The following CLU variants were observed in gnomAD, a reference collection of about 807,000 sequenced individuals.
CLU encodes aging-associated protein 4.
A neutral mutation model predicts 46.4 loss-of-function variants in CLU; 25 were observed. The observed-to-expected ratio is 0.54, with a 90% CI of 0.39 to 0.75. The LOEUF (loss-of-function observed/expected upper bound fraction) is 0.75, where lower values mean the gene tolerates loss of function less well. Ranked by LOEUF, CLU falls within the 30% of genes least tolerant of loss-of-function variation. The probability of loss-of-function intolerance (pLI) is 0.00; values close to 1 mark genes in which losing one functional copy is unlikely to be tolerated. For synonymous variants in CLU, 235 were observed against 235.1 expected (o/e 1.00, Z 0.00); for missense variants, 504 against 592.1 (o/e 0.85, Z 1.54).
chr8:27,598,698 A>G, intron 7 of CLU, 63 bp from the exon 8 acceptor site: 2 of 1,524,564 alleles, frequency 1.3e-6, no homozygotes, highest in Non-Finnish European at 1.8e-6. Context: ...TGCGCTCTGC[A>G]ACAGAAGTCA....
chr8:27,601,386 G>A (rs1800718736), intron 6 of CLU, among the ~76,000 whole-genome samples: 1 of 152,332 alleles, frequency 6.6e-6, no homozygotes. Flanking sequence ...AGAGGTGGCA[G>A]TTCTGGTGCC....
chr8:27,614,368 CA>C (rs1488235068), intron 1 of CLU: 1 of 218,596 alleles, frequency 4.6e-6, no homozygotes, highest in Non-Finnish European at 9.1e-6. Flanking sequence ...TCAGTTTCCC[CA>C]TCTTTGCGAA....
At chr8:27,611,291 G>T (rs543293961) in intron 1 of CLU, 66 of 454,856 alleles carry the variant, frequency 1.5e-4, no homozygotes, top group African/African-American at 1.2e-3. Context: ...ATTCCCTTCG[G>T]AGAGTAGAGA....
intron 1 of CLU, among the ~76,000 whole-genome samples, chr8:27,612,346 A>T (rs1487780736): frequency 6.6e-6 from 1 of 152,182 alleles, no homozygotes; most frequent in Non-Finnish European, 1.5e-5. Context: ...TTCATCTGTA[A>T]AATGGATCTA....
At chr8:27,608,737 C>A in intron 3 of CLU, 1 of 641,258 alleles carries the variant, frequency 1.6e-6, no homozygotes, top group Non-Finnish European at 2.8e-6. Context: ...ATAACAAAAC[C>A]AGATCCAAGA....
chr8:27,614,673 G>A lies in CLU; in HGVS notation c.-48C>T, dbSNP rs1800982563. The A allele has an allele frequency of 1.9e-6, 1 of 532,118 alleles. No individual in the cohort carries two copies. The highest frequency in any genetic ancestry group is 1.9e-5 in the African/African-American group (1 of 51,928). 33.0% of individuals were successfully genotyped at this position (532,118 alleles called of 1,614,324 possible). On this transcript the variant is annotated 5_prime_UTR_variant, in exon 1 of 9. Coordinates refer to ENST00000316403, the MANE Select transcript of CLU (RefSeq NM_001831.4). ...ATCTCACCGGTCAGCGGCACCCTGT[G>A]CCCGCGCGCTCCTCCTGGCGACGCC...
At position 27,598,573 on chromosome 8, in the gene CLU, G is replaced by A; in HGVS notation, c.1227C>T (p.Leu409=). Residue 409 remains leucine, a synonymous_variant, in exon 8 of 9, where the codon CTC becomes CTT. Coordinates refer to ENST00000316403, the MANE Select transcript of CLU (RefSeq NM_001831.4). The stretch of plus-strand genomic sequence containing the variant: ...TCACAGTGATGGGATCAGAGTCAAA[G>A]AGCTTCACGACCACCTCAGTGACAC... ...PSGVTEVVVK[L]FDSDPITVTV... is the part of the protein sequence containing the mutation. 5 of 1,614,192 alleles carry A rather than the reference G, an allele frequency of 3.1e-6. No individual in the cohort carries two copies. The highest frequency in any genetic ancestry group is 4.2e-6 in the Non-Finnish European group (5 of 1,180,038).
At chr8:27,606,102 G>A (rs891103608) in intron 4 of CLU, among the ~76,000 whole-genome samples, 7 of 151,998 alleles carry the variant, frequency 4.6e-5, no homozygotes, top group African/African-American at 7.3e-5. Flanking sequence ...GCCATCCCAC[G>A]AAGCAGTTTA....
intron 5 of CLU, 60 bp from the exon 6 acceptor site, chr8:27,604,455 G>A: frequency 1.6e-6 from 2 of 1,243,526 alleles, no homozygotes; most frequent in Non-Finnish European, 2.4e-6. Flanking sequence ...GGACTCCACT[G>A]ATTCCTATTG....
At chr8:27,610,242 T>C (rs1800897500) in intron 2 of CLU, among the ~76,000 whole-genome samples, 1 of 151,982 alleles carries the variant, frequency 6.6e-6, no homozygotes, top group South Asian at 2.1e-4. Flanking sequence ...CAGCCGAAAG[T>C]GCTTGGGAAA....
At chr8:27,600,057 T>C in intron 6 of CLU, 48 bp from the exon 7 acceptor site, 1 of 1,394,348 alleles carries the variant, frequency 7.2e-7, no homozygotes, top group Non-Finnish European at 1.0e-6. Context: ...AAGGGAAGGC[T>C]ACAAAGGGAT....
rs955492150 is a variant in CLU at position 27,605,254 on chromosome 8, G to A, written c.499C>T (p.Arg167Trp). ...DRIDSLLEND[R>W]QQTHMLDVMQ... ...ACATCCAGCATGTGCGTCTGCTGCC[G>A]GTCGTTCTCCAGCAGGGAGTCGATG... is the stretch of plus-strand genomic sequence containing the variant. The change falls in exon 5 of 9, where the codon CGG (arginine) becomes TGG (tryptophan). Residue 167 changes from arginine (R) to tryptophan (W), a missense_variant. By Grantham distance (101) the Arg-to-Trp change is moderately radical. This residue lies in a region of CLU where 428 missense variants were observed against 484.0 expected (regional missense o/e 0.88). Coordinates refer to ENST00000316403, the MANE Select transcript of CLU (RefSeq NM_001831.4). 15 of 1,614,036 alleles carry A rather than the reference G, an allele frequency of 9.3e-6. No individual in the cohort carries two copies. The highest frequency in any genetic ancestry group is 2.7e-5 in the African/African-American group (2 of 74,908).
At position 27,597,297 on chromosome 8, in the gene CLU, TGAG is replaced by T. The variant is rs1448904935; in HGVS notation, c.*941_*943del. 8.8e-6 allele frequency: 4 copies of T among 454,400 alleles called. No individual in the cohort carries two copies. Among genetic ancestry groups the T allele is most frequent in the Non-Finnish European group, 1.8e-5 (4 of 226,792 alleles). The allele number at this position is 454,400 out of a possible 1,614,324, so 28.1% of individuals were successfully genotyped here. ...GAACGAAAAGCCTGAGCTTTAAGACTGAGATTGGTACCACGGGTAGTCATGGCC... is the reference window on the plus strand; with the variant it reads ...GAACGAAAAGCCTGAGCTTTAAGACTATTGGTACCACGGGTAGTCATGGCC... On this transcript the variant is annotated 3_prime_UTR_variant, in exon 9 of 9. Transcript: ENST00000316403.
Position 27,598,096 on chromosome 8 carries a change from G to T in CLU, c.*145C>A, listed in dbSNP as rs373114324. 1.3e-6 allele frequency: 1 copy of T among 748,840 alleles called. No individual in the cohort carries two copies. Among genetic ancestry groups the T allele is most frequent in the Non-Finnish European group, 2.4e-6 (1 of 413,592 alleles). 46.4% of individuals were successfully genotyped at this position (748,840 alleles called of 1,614,324 possible). A position where few individuals can be genotyped will look rare whatever the true frequency, so the allele number is the denominator to read the frequency against. On this transcript the variant is annotated 3_prime_UTR_variant, in exon 9 of 9. Coordinates refer to ENST00000316403, the MANE Select transcript of CLU (RefSeq NM_001831.4). Reference sequence around the variant, plus strand: ...AGTGTTAGAGTGCAGGATCCAGAGCGGGGAGAGGCTGGGCGGAGTTGGGGG... The same window carrying T: ...AGTGTTAGAGTGCAGGATCCAGAGCTGGGAGAGGCTGGGCGGAGTTGGGGG...
In CLU at chr8:27,597,618, T is replaced by A. The variant is rs1179046343; in HGVS notation, c.*623A>T. On this transcript the variant is annotated 3_prime_UTR_variant, in exon 9 of 9. Transcript: ENST00000316403. Reference sequence around the variant, plus strand: ...ATCAATTATGCATTATAATACCAAGTACACCTTACACTTACTGATTCTTCT... The same window carrying A: ...ATCAATTATGCATTATAATACCAAGAACACCTTACACTTACTGATTCTTCT... The A allele has an allele frequency of 4.4e-6, 2 of 454,168 alleles. No individual in the cohort carries two copies. The highest frequency in any genetic ancestry group is 4.7e-5 in the Admixed American group (2 of 42,580). 28.1% of individuals were successfully genotyped at this position (454,168 alleles called of 1,614,324 possible).
chr8:27,606,395 C>T lies in CLU; in HGVS notation c.376G>A (p.Ala126Thr), dbSNP rs138190443. 2.2e-5 allele frequency: 35 copies of T among 1,614,244 alleles called. No individual in the cohort carries two copies. The highest frequency in any genetic ancestry group is 5.5e-5 in the South Asian group (5 of 91,090). The change falls in exon 4 of 9, where the codon GCA (alanine) becomes ACA (threonine). Residue 126 changes from alanine to threonine, a missense_variant. Ala to Thr is a moderately conservative substitution (Grantham distance 58). Coordinates refer to ENST00000316403, the MANE Select transcript of CLU (RefSeq NM_001831.4). Reference sequence around the variant, plus strand: ...CCTGAGCCACTTCTGCAGACGCGTGCGTAGAACTTCATGCAGGTCTGTTTC... The same window carrying T: ...CCTGAGCCACTTCTGCAGACGCGTGTGTAGAACTTCATGCAGGTCTGTTTC... ...CLKQTCMKFYARVCRSGSGLV... is the reference protein window; with the variant it reads ...CLKQTCMKFYTRVCRSGSGLV...
In CLU at chr8:27,598,121, G is replaced by T. The variant is rs1399484418; in HGVS notation, c.*120C>A. The T allele has an allele frequency of 3.2e-6, 3 of 926,770 alleles. No homozygotes were observed. Among genetic ancestry groups the T allele is most frequent in the East Asian group, 2.6e-5 (1 of 39,170 alleles). 57.4% of individuals were successfully genotyped at this position (926,770 alleles called of 1,614,324 possible). Reference sequence around the variant, plus strand: ...GGGGAGAGGCTGGGCGGAGTTGGGGGCCTGGAGGCTGGGGCCTGGTTACTT... The same window carrying T: ...GGGGAGAGGCTGGGCGGAGTTGGGGTCCTGGAGGCTGGGGCCTGGTTACTT... On this transcript the variant is annotated 3_prime_UTR_variant, in exon 9 of 9. Coordinates refer to ENST00000316403, the MANE Select transcript of CLU (RefSeq NM_001831.4).
chr8:27,603,840 A>G (rs1294104813), intron 6 of CLU, among the ~76,000 whole-genome samples: 1 of 152,194 alleles, frequency 6.6e-6, no homozygotes, highest in Non-Finnish European at 1.5e-5. Context: ...AAATGAGGAA[A>G]TGTATGTCGA....
chr8:27,602,518 TTCAGCCCAAGAGGTCTAGGCTGCA>T (rs1264839031), intron 6 of CLU, among the ~76,000 whole-genome samples: 1 of 151,634 alleles, frequency 6.6e-6, no homozygotes, highest in African/African-American at 2.4e-5. Context: ...GGAGGATGAC[TTCAGCCCAAGAGGTCTAGGCTGCA>T]GTGAGCTGTA....
Sources: allele counts gnomAD v4.1 joint callset (sites outside exome capture counted in the v4.1 genomes callset), GRCh38; gene constraint gnomAD v4.1.1; regional missense constraint gnomAD v4.1.1; transcripts MANE v1.5; gene names NCBI Gene and HGNC (gene_info 2026-07-23, HGNC 2026-07-21).